The following ARHGEF18 variants were observed in gnomAD, a reference collection of about 807,000 sequenced individuals.
ARHGEF18 encodes the protein Rho/Rac guanine nucleotide exchange factor 18, also known as rho guanine nucleotide exchange factor 18.
In ARHGEF18, 93 loss-of-function variants were observed where a neutral mutation model predicts 155.7. That is an observed-to-expected ratio of 0.60 (90% CI 0.50 to 0.71). The LOEUF is 0.71. Ranked by LOEUF, ARHGEF18 falls within the 30% of genes least tolerant of loss-of-function variation. The pLI is 0.00. For synonymous variants in ARHGEF18, 742 were observed against 753.1 expected, an observed-to-expected ratio of 0.99 and a Z score of 0.24; for missense variants, 1,593 against 1,816.1, an observed-to-expected ratio of 0.88 and a Z score of 2.23.
intron 10 of ARHGEF18, among the ~76,000 whole-genome samples, chr19:7,433,711 C>T (rs1483461792): frequency 1.3e-5 from 2 of 151,680 alleles, no homozygotes; most frequent in African/African-American, 4.8e-5. Context: ...GGAAGCACAG[C>T]GGCACTGGAA....
chr19:7,371,629 C>T (rs1332606743), intron 2 of ARHGEF18, among the ~76,000 whole-genome samples: 3 of 151,924 alleles, frequency 2.0e-5, no homozygotes, highest in Non-Finnish European at 2.9e-5. Flanking sequence ...GAGACCAACC[C>T]GGCCAACATT....
Position 7,456,754 on chromosome 19 carries a change from AAAAC to A in ARHGEF18, c.2181+363_2181+366del, listed in dbSNP as rs752118778. Among the ~76,000 whole-genome samples the A allele has an allele frequency of 1.1e-3, 170 of 152,294 alleles. 1 individual carries two copies. The highest frequency in any genetic ancestry group is 2.1e-3 in the Non-Finnish European group (142 of 68,024). ...AGACTCTATCTCAAAACAAAAAAAC[AAAAC>A]AAACAAACAAAAAACAGACGAAGGG... On this transcript the variant is annotated intron_variant, in intron 18 of 28. Transcript: ENST00000668164.
chr19:7,409,731 C>A (rs1460996533), intron 10 of ARHGEF18, among the ~76,000 whole-genome samples: 4 of 150,412 alleles, frequency 2.7e-5, no homozygotes, highest in Non-Finnish European at 5.9e-5. Context: ...CGTGAGCCAT[C>A]GCGCCTGGCC....
At chr19:7,357,344 G>T (rs564538147) in intron 1 of ARHGEF18, among the ~76,000 whole-genome samples, 1 of 152,318 alleles carries the variant, frequency 6.6e-6, no homozygotes, top group Admixed American at 6.5e-5. Context: ...CCCTCTTGTG[G>T]CTGCTCAGCT....
At chr19:7,449,566 A>G (rs1358132870) in intron 15 of ARHGEF18, among the ~76,000 whole-genome samples, 20 of 152,096 alleles carry the variant, frequency 1.3e-4, no homozygotes, top group Non-Finnish European at 2.9e-5. Flanking sequence ...GGCCCACTCT[A>G]GTTCTGGAGG....
In ARHGEF18 at chr19:7,355,218, C is replaced by G. The variant is rs78658805; in HGVS notation, c.-111+5977C>G. Reference sequence around the variant, plus strand: ...ACCCTGAAACACAGAATCACAAACCCAAAAGCACGTGCTCTCTACACAACA... The same window carrying G: ...ACCCTGAAACACAGAATCACAAACCGAAAAGCACGTGCTCTCTACACAACA... On this transcript the variant is annotated intron_variant, in intron 1 of 28. Coordinates refer to ENST00000668164, the MANE Select transcript of ARHGEF18 (RefSeq NM_001367823.1). 6.6e-3 allele frequency among the ~76,000 whole-genome samples: 1,008 copies of G among 152,118 alleles called. 18 individuals are homozygous for G. Among genetic ancestry groups the G allele is most frequent in the African/African-American group, 0.023 (970 of 41,474 alleles).
intron 10 of ARHGEF18, among the ~76,000 whole-genome samples, chr19:7,429,794 T>C (rs1421159858): frequency 6.6e-6 from 1 of 152,108 alleles, no homozygotes; most frequent in African/African-American, 2.4e-5. Context: ...CAGAGGGCAG[T>C]GGCATGCATG....
intron 10 of ARHGEF18, among the ~76,000 whole-genome samples, chr19:7,418,429 A>T (rs372061390): frequency 5.3e-5 from 8 of 151,888 alleles, no homozygotes; most frequent in African/African-American, 1.2e-4. Context: ...CTAATTTTTT[A>T]CTTTTGGTAG....
Position 7,451,272 on chromosome 19 carries a change from C to T in ARHGEF18, c.1855+6C>T, listed in dbSNP as rs1037763099. On this transcript the variant is annotated splice_donor_region_variant and intron_variant, in intron 16 of 28. Transcript: ENST00000668164. ...CATCATCCAGAACACGGAAGGTAGGCCTTCTCCCCACTGCCCCGCCCGCCC... is the reference window on the plus strand; with the variant it reads ...CATCATCCAGAACACGGAAGGTAGGTCTTCTCCCCACTGCCCCGCCCGCCC... The T allele has an allele frequency of 6.2e-6, 10 of 1,612,900 alleles. No homozygotes were observed. The Admixed American group carries it at 1.3e-4, about 22-fold the overall frequency.
At chr19:7,401,238 C>T (rs567349473) in intron 10 of ARHGEF18, among the ~76,000 whole-genome samples, 18 of 152,194 alleles carry the variant, frequency 1.2e-4, no homozygotes, top group Non-Finnish European at 1.8e-4. Flanking sequence ...GTGGTGGGTC[C>T]GTGTGACCCT....
chr19:7,456,500 T>C (rs1975839219), intron 18 of ARHGEF18, 97 bp downstream of exon 18: 1 of 1,131,840 alleles, frequency 8.8e-7, no homozygotes, highest in African/African-American at 1.5e-5. Flanking sequence ...GCAGATCACT[T>C]GAGGTCAAGA....
Position 7,463,905 on chromosome 19 carries a change from G to A in ARHGEF18, c.2723G>A (p.Arg908Lys). 1 of 1,599,460 alleles carries A rather than the reference G, an allele frequency of 6.3e-7. No homozygotes were observed. ...EDGGSSTGPPRRAETFAGYDC... is the reference protein window; with the variant it reads ...EDGGSSTGPPKRAETFAGYDC... ...GGAGGCAGCTCCACAGGCCCGCCCA[G>A]GAGGGCTGAGACCTTCGCGGGCTAC... The change falls in exon 22 of 29, where the codon AGG becomes AAG. Residue 908 changes from arginine to lysine, a missense_variant. Transcript: ENST00000668164. The surrounding 1 kb of genome is among the most constrained non-coding windows in gnomAD (Gnocchi z 5.2).
At chr19:7,477,301 G>T, downstream of ARHGEF18, 1 of 1,568,806 alleles carries the variant, frequency 6.4e-7, no homozygotes, top group Non-Finnish European at 8.6e-7. Context: ...GCCACGGCGG[G>T]AAGCGGCCGG....
chr19:7,429,308 C>T (rs562029905), intron 10 of ARHGEF18, among the ~76,000 whole-genome samples: 70 of 152,268 alleles, frequency 4.6e-4, no homozygotes, highest in African/African-American at 1.5e-3. Flanking sequence ...GCCCCAAAGC[C>T]CGTTAAACAG....
intron 1 of ARHGEF18, among the ~76,000 whole-genome samples, chr19:7,352,416 G>A (rs1374142058): frequency 6.6e-6 from 1 of 151,582 alleles, no homozygotes; most frequent in Non-Finnish European, 1.5e-5. Flanking sequence ...GCTACATTCA[G>A]GTTCTCAGGC....
At position 7,462,175 on chromosome 19, in the gene ARHGEF18, C is replaced by T; in HGVS notation, c.2476C>T (p.Leu826=). ...AGAGCGGTTGAGCATGAAAGACCAG[C>T]TGATCGCACAGAGCCTCCTAGAGAA... is the stretch of plus-strand genomic sequence containing the variant. ...FQERLSMKDQ[L]IAQSLLEKQQ... is the part of the protein sequence containing the mutation. Residue 826 remains leucine (L), a synonymous_variant, in exon 21 of 29, where the codon CTG becomes TTG. Coordinates refer to ENST00000668164, the MANE Select transcript of ARHGEF18 (RefSeq NM_001367823.1). The surrounding 1 kb of genome is among the most constrained non-coding windows in gnomAD (Gnocchi z 4.4). The T allele has an allele frequency of 6.2e-7, 1 of 1,613,948 alleles. No homozygotes were observed. Among genetic ancestry groups the T allele is most frequent in the Non-Finnish European group, 8.5e-7 (1 of 1,180,026 alleles).
chr19:7,381,073 C>A (rs1423564624), intron 8 of ARHGEF18, 79 bp downstream of exon 8: 1 of 1,113,234 alleles, frequency 9.0e-7, no homozygotes, highest in Non-Finnish European at 1.1e-6. Flanking sequence ...TGGGCCAGAC[C>A]CCCCATGCTG....
chr19:7,437,157 G>A (rs1974311310), intron 10 of ARHGEF18, among the ~76,000 whole-genome samples: 1 of 152,118 alleles, frequency 6.6e-6, no homozygotes, highest in Admixed American at 6.6e-5. Flanking sequence ...GGCCGGCTAC[G>A]GTGGCTCAAG....
Position 7,372,978 on chromosome 19 carries a change from G to A in ARHGEF18, c.182G>A (p.Arg61Lys), listed in dbSNP as rs966230656. Residue 61 changes from arginine to lysine, a missense_variant, in exon 3 of 29, where the codon AGA becomes AAA. By Grantham distance (26) the Arg-to-Lys change is conservative (BLOSUM62 2). Coordinates refer to ENST00000668164, the MANE Select transcript of ARHGEF18 (RefSeq NM_001367823.1). The part of the protein sequence containing the change: ...DSRPTGEEPG[R>K]DSLFSSLAGS... ...CGCCCCACCGGTGAAGAACCAGGAA[G>A]AGATTCTCTTTTCTCCAGCTTGGCA... 2 of 1,234,568 alleles carry A rather than the reference G, an allele frequency of 1.6e-6. No individual in the cohort carries two copies. The highest frequency in any genetic ancestry group is 2.0e-6 in the Non-Finnish European group (2 of 988,298). The allele number at this position is 1,234,568 out of a possible 1,614,324, so 76.5% of individuals were successfully genotyped here.
Sources: allele counts gnomAD v4.1 joint callset (sites outside exome capture counted in the v4.1 genomes callset), GRCh38; gene constraint gnomAD v4.1.1; non-coding constraint Gnocchi (gnomAD v3.1); transcripts MANE v1.5; gene names NCBI Gene and HGNC (gene_info 2026-07-23, HGNC 2026-07-21).